Variants in ZYG11A observed in about 807,000 individuals in gnomAD.
ZYG11A encodes zyg-11 family member A, cell cycle regulator, also known as protein zyg-11 homolog A.
A neutral mutation model predicts 77.2 loss-of-function variants in ZYG11A; 62 were observed. That is an observed-to-expected ratio of 0.80 (90% CI 0.65 to 0.99). The LOEUF (loss-of-function observed/expected upper bound fraction) is 0.99. Among genes scored for constraint, ZYG11A ranks in the 50% least tolerant of loss-of-function variants. ZYG11A has a pLI of 0.00. For missense variants in ZYG11A, 828 were observed against 896.8 expected (o/e 0.92, Z 0.98); for synonymous variants, 315 against 324.6 (o/e 0.97, Z 0.32).
chr1:52,859,908 C>T (rs1490657862), intron 3 of ZYG11A, among the ~76,000 whole-genome samples: 1 of 151,724 alleles, frequency 6.6e-6, no homozygotes, highest in African/African-American at 2.4e-5. Flanking sequence ...GAACTCCTGA[C>T]CTCAGGTGAT....
chr1:52,881,428 T>C (rs1646359694), intron 10 of ZYG11A, 43 bp from the exon 11 acceptor site: 1 of 1,401,626 alleles, frequency 7.1e-7, no homozygotes, highest in Non-Finnish European at 9.5e-7. Flanking sequence ...GATTCTCCCC[T>C]CCCTTCTTGT....
chr1:52,843,557 G>T (rs995497110), intron 1 of ZYG11A, among the ~76,000 whole-genome samples: 2 of 152,122 alleles, frequency 1.3e-5, no homozygotes, highest in Non-Finnish European at 2.9e-5. Context: ...CCGCGCGTCC[G>T]CCCCCGTCCC....
intron 4 of ZYG11A, among the ~76,000 whole-genome samples, 186 bp from the exon 5 acceptor site, chr1:52,863,791 ATAGT>A (rs1277524036): frequency 6.6e-6 from 1 of 152,228 alleles, no homozygotes; most frequent in Non-Finnish European, 1.5e-5. Context: ...AGTCACACAG[ATAGT>A]TAGTGACTCC....
intron 8 of ZYG11A, among the ~76,000 whole-genome samples, 170 bp downstream of exon 8, chr1:52,867,947 C>T (rs1385731370): frequency 6.7e-6 from 1 of 149,838 alleles, no homozygotes. Flanking sequence ...TTGGTATGTA[C>T]CTCCACATTT....
chr1:52,852,335 C>T (rs536008125), intron 1 of ZYG11A, among the ~76,000 whole-genome samples: 1 of 151,172 alleles, frequency 6.6e-6, no homozygotes, highest in African/African-American at 2.4e-5. Context: ...GAGTGAGCCT[C>T]TGCACCTGGC....
At chr1:52,862,801 C>G (rs955026296) in intron 4 of ZYG11A, among the ~76,000 whole-genome samples, 1 of 152,070 alleles carries the variant, frequency 6.6e-6, no homozygotes, top group Admixed American at 6.5e-5. Context: ...TTCTTTGAGA[C>G]AGGGTCTCAC....
intron 4 of ZYG11A, among the ~76,000 whole-genome samples, chr1:52,861,240 C>T (rs940961047): frequency 7.2e-5 from 11 of 152,198 alleles, no homozygotes; most frequent in Non-Finnish European, 1.2e-4. Context: ...CCAAACTTAG[C>T]TTTGGTTTAG....
intron 1 of ZYG11A, among the ~76,000 whole-genome samples, chr1:52,849,839 C>T (rs902948036): frequency 1.3e-5 from 2 of 151,604 alleles, no homozygotes; most frequent in Non-Finnish European, 2.9e-5. Flanking sequence ...CCGGCCACCA[C>T]GCCCAGCTAA....
chr1:52,871,864 C>A (rs751266511), intron 8 of ZYG11A, among the ~76,000 whole-genome samples: 3 of 152,114 alleles, frequency 2.0e-5, no homozygotes, highest in Non-Finnish European at 4.4e-5. Flanking sequence ...GGAAAATTGA[C>A]GTCCTGTAAT....
At chr1:52,843,688 CTTT>C (rs71044427) in intron 1 of ZYG11A, among the ~76,000 whole-genome samples, 1 of 130,508 alleles carries the variant, frequency 7.7e-6, no homozygotes. Context: ...TTCTTTCTTT[CTTT>C]TTTTTTTTTT....
chr1:52,884,076 C>T (rs1002507027), intron 11 of ZYG11A, among the ~76,000 whole-genome samples: 1 of 151,976 alleles, frequency 6.6e-6, no homozygotes, highest in Non-Finnish European at 1.5e-5. Flanking sequence ...GACGGGGTTT[C>T]ACCATGTTGG....
chr1:52,890,887 G>A (rs879678323), intron 13 of ZYG11A, among the ~76,000 whole-genome samples: 6 of 151,528 alleles, frequency 4.0e-5, no homozygotes, highest in Non-Finnish European at 8.8e-5. Flanking sequence ...CTTTAACTGG[G>A]TCTAAATCTT....
chr1:52,880,495 A>G (rs1646345429), intron 10 of ZYG11A, among the ~76,000 whole-genome samples: 1 of 152,104 alleles, frequency 6.6e-6, no homozygotes, highest in African/African-American at 2.4e-5. Flanking sequence ...TGTGGACAGG[A>G]CCTGTTTCTT....
Position 52,842,844 on chromosome 1 carries a change from A to ACGCCGGCTCTCTTTTTGACGCCCCGC in ZYG11A, c.-33_-8dup, listed in dbSNP as rs772160322. ...CTCGCGGGATCCGGGCTCCGGCTCG[A>ACGCCGGCTCTCTTTTTGACGCCCCGC]CGCCGGCTCTCTTTTTGACGCCCCG... On this transcript the variant is annotated 5_prime_UTR_variant, in exon 1 of 14. Coordinates refer to ENST00000371528, the MANE Select transcript of ZYG11A (RefSeq NM_001004339.3). 87 of 1,519,232 alleles carry ACGCCGGCTCTCTTTTTGACGCCCCGC rather than the reference A, an allele frequency of 5.7e-5. No individual in the cohort carries two copies. Among genetic ancestry groups the ACGCCGGCTCTCTTTTTGACGCCCCGC allele is most frequent in the Admixed American group, 2.3e-4 (11 of 47,728 alleles). The allele number at this position is 1,519,232 out of a possible 1,614,324, so 94.1% of individuals were successfully genotyped here. A position where few individuals can be genotyped will look rare whatever the true frequency, so the allele number is the denominator to read the frequency against.
At chr1:52,861,386 G>A (rs1002339876) in intron 4 of ZYG11A, among the ~76,000 whole-genome samples, 3 of 152,104 alleles carry the variant, frequency 2.0e-5, no homozygotes, top group African/African-American at 7.2e-5. Flanking sequence ...ACAATGAAAG[G>A]TCTTAAGAAA....
chr1:52,852,615 T>C (rs1645735129), intron 1 of ZYG11A, among the ~76,000 whole-genome samples: 1 of 152,094 alleles, frequency 6.6e-6, no homozygotes. Flanking sequence ...CCACCCGCCT[T>C]GGCCTCCCAA....
At chr1:52,845,185 C>G (rs1164522095) in intron 1 of ZYG11A, among the ~76,000 whole-genome samples, 6 of 151,948 alleles carry the variant, frequency 3.9e-5, no homozygotes, top group Admixed American at 3.9e-4. Context: ...CCAGAAGCCT[C>G]ATTTTTTCTG....
At chr1:52,887,934 T>C (rs1646478345) in intron 13 of ZYG11A, among the ~76,000 whole-genome samples, 1 of 152,192 alleles carries the variant, frequency 6.6e-6, no homozygotes. Context: ...TTATAGGAGA[T>C]ATAAGCTATT....
intron 8 of ZYG11A, among the ~76,000 whole-genome samples, chr1:52,876,412 T>C (rs1571871025): frequency 6.6e-6 from 1 of 152,108 alleles, no homozygotes; most frequent in East Asian, 1.9e-4. Flanking sequence ...ACAGGACTAG[T>C]TGAGATACAG....
Sources: allele counts gnomAD v4.1 joint callset (sites outside exome capture counted in the v4.1 genomes callset), GRCh38; gene constraint gnomAD v4.1.1; transcripts MANE v1.5; gene names NCBI Gene and HGNC (gene_info 2026-07-23, HGNC 2026-07-21).